Variants in TNPO2 observed in about 807,000 individuals in gnomAD.
TNPO2 encodes transportin-2.
In TNPO2, 16 loss-of-function variants were observed where a neutral mutation model predicts 111.1. The observed-to-expected ratio is 0.14, with a 90% CI of 0.10 to 0.22. TNPO2 has a LOEUF of 0.22. TNPO2 is among the 10% of genes least tolerant of loss of function. The pLI is 1.00. For synonymous variants in TNPO2, 481 were observed against 475.8 expected, an observed-to-expected ratio of 1.01 and a Z score of -0.14; for missense variants, 530 against 1,173.7, an observed-to-expected ratio of 0.45 and a Z score of 8.01.
rs1377253246 is a variant in TNPO2, at chr19:12,699,672, T to TA, written c.*1591dup. 6.6e-6 allele frequency: 1 copy of TA among 151,556 alleles called. No individual in the cohort carries two copies. The highest frequency in any genetic ancestry group is 2.4e-5 in the African/African-American group (1 of 41,124). 9.4% of individuals were successfully genotyped at this position (151,556 alleles called of 1,614,324 possible). On this transcript the variant is annotated 3_prime_UTR_variant, in exon 26 of 26. Coordinates refer to ENST00000425528, the MANE Select transcript of TNPO2 (RefSeq NM_001382241.1). Reference sequence around the variant, plus strand: ...TTTTTAAAACTTTTTTTTTTTTTTTTAACAAATGGCTTCCAGAGACCTGCT... The same window carrying TA: ...TTTTTAAAACTTTTTTTTTTTTTTTTAAACAAATGGCTTCCAGAGACCTGCT...
chr19:12,714,721 A>AT, intron 10 of TNPO2, 100 bp downstream of exon 10: 1 of 915,140 alleles, frequency 1.1e-6, no homozygotes, highest in South Asian at 1.4e-5. Flanking sequence ...ACTGACAAGG[A>AT]TGTGGACTGA....
Position 12,706,918 on chromosome 19 carries a change from G to T in TNPO2, c.1271-123C>A. 1 of 810,684 alleles carries T rather than the reference G, an allele frequency of 1.2e-6. No homozygotes were observed. Among genetic ancestry groups the T allele is most frequent in the Non-Finnish European group, 2.0e-6 (1 of 510,636 alleles). 50.2% of individuals were successfully genotyped at this position (810,684 alleles called of 1,614,324 possible). A position where few individuals can be genotyped will look rare whatever the true frequency, so the allele number is the denominator to read the frequency against. ...CTGAGGCTTAGAGTTTAAATCACTG[G>T]CCCAGACTCATTTCACAGAGCCAGG... On this transcript the variant is annotated intron_variant, in intron 13 of 25. Coordinates refer to ENST00000425528, the MANE Select transcript of TNPO2 (RefSeq NM_001382241.1). The surrounding 1 kb of genome is among the most constrained non-coding windows in gnomAD (Gnocchi z 7.0).
rs770965780 is a variant in TNPO2, at chr19:12,702,024, G to A, written c.2411+48C>T. 2 of 1,572,920 alleles carry A rather than the reference G, an allele frequency of 1.3e-6. No individual in the cohort carries two copies. Among genetic ancestry groups the A allele is most frequent in the Non-Finnish European group, 1.7e-6 (2 of 1,143,352 alleles). ...AAATGCACAGGCGAGGGAGGGGGTT[G>A]GGCCAGTCCCGCCCACCACACAGCA... On this transcript the variant is annotated intron_variant, in intron 22 of 25. Coordinates refer to ENST00000425528, the MANE Select transcript of TNPO2 (RefSeq NM_001382241.1). This position sits in a 1 kb window ranked among gnomAD's most constrained non-coding sequence, Gnocchi z 5.5.
Position 12,706,291 on chromosome 19 carries a change from A to G in TNPO2, c.1573T>C (p.Phe525Leu). The G allele has an allele frequency of 6.2e-7, 1 of 1,614,034 alleles. No homozygotes were observed. The highest frequency in any genetic ancestry group is 2.2e-5 in the East Asian group (1 of 44,872). Residue 525 changes from phenylalanine (F) to leucine (L), a missense_variant, in exon 15 of 26, where the codon TTT (phenylalanine) becomes CTT (leucine). Physicochemically the swap from Phe to Leu is conservative, Grantham distance 22. Around this residue, in one of 4 missense-constraint regions of TNPO2, gnomAD observed 183 missense variants for 481.0 expected, o/e 0.38. Transcript: ENST00000425528. This position sits in a 1 kb window ranked among gnomAD's most constrained non-coding sequence, Gnocchi z 7.0. The part of the protein sequence containing the change: ...YLSYILDTLV[F>L]AFGKYQHKNL... ...TTGTGCTGGTATTTCCCAAAGGCAAAGACAAGGGTGTCCAGGATGTAGCTG... is the reference window on the plus strand; with the variant it reads ...TTGTGCTGGTATTTCCCAAAGGCAAGGACAAGGGTGTCCAGGATGTAGCTG...
At position 12,703,422 on chromosome 19, in the gene TNPO2, A is replaced by G; in HGVS notation, c.2209+6T>C. On this transcript the variant is annotated splice_donor_region_variant and intron_variant, in intron 20 of 25. Coordinates refer to ENST00000425528, the MANE Select transcript of TNPO2 (RefSeq NM_001382241.1). Reference sequence around the variant, plus strand: ...GGGCGCGTGTTGCCACTTGCAGGGCACTCACCCATCTGCATGCAGATTTCA... The same window carrying G: ...GGGCGCGTGTTGCCACTTGCAGGGCGCTCACCCATCTGCATGCAGATTTCA... 2 of 1,613,144 alleles carry G rather than the reference A, an allele frequency of 1.2e-6. No homozygotes were observed. The highest frequency in any genetic ancestry group is 1.7e-6 in the Non-Finnish European group (2 of 1,179,458).
chr19:12,714,948 G>T lies in TNPO2; in HGVS notation c.772-9C>A. 1 of 1,606,590 alleles carries T rather than the reference G, an allele frequency of 6.2e-7. No individual in the cohort carries two copies. The highest frequency in any genetic ancestry group is 1.1e-5 in the South Asian group (1 of 90,320). ...GTCCTCTGCAGCATGTACTGTGGTA[G>T]GGGGGAGAAGCTGAGGCCTGGCCTG... On this transcript the variant is annotated splice_polypyrimidine_tract_variant and intron_variant, in intron 9 of 25. Transcript: ENST00000425528.
In TNPO2 at chr19:12,711,692, A is replaced by C. The variant is rs930109445; in HGVS notation, c.891-79T>G. ...GGGAGGCACAGCTTGGGGAGGAGGCAAACAGGTGCCAACAGAGTGACCAGC... is the reference window on the plus strand; with the variant it reads ...GGGAGGCACAGCTTGGGGAGGAGGCCAACAGGTGCCAACAGAGTGACCAGC... On this transcript the variant is annotated intron_variant, in intron 10 of 25. Transcript: ENST00000425528. The C allele has an allele frequency of 3.1e-6, 4 of 1,271,568 alleles. No homozygotes were observed. The African/African-American group carries it at 4.4e-5, about 14-fold the overall frequency. The allele number at this position is 1,271,568 out of a possible 1,614,324, so 78.8% of individuals were successfully genotyped here. A position where few individuals can be genotyped will look rare whatever the true frequency, so the allele number is the denominator to read the frequency against.
intron 13 of TNPO2, among the ~76,000 whole-genome samples, chr19:12,707,203 T>TGACCAAGATGGACTGA (rs2025732263): frequency 1.3e-5 from 2 of 152,146 alleles, no homozygotes; most frequent in Non-Finnish European, 2.9e-5. Context: ...TTTACCATGT[T>TGACCAAGATGGACTGA]GACCAAGATG....
In TNPO2 at chr19:12,706,897, G is replaced by C; in HGVS notation, c.1271-102C>G. The C allele has an allele frequency of 1.0e-6, 1 of 998,076 alleles. No individual in the cohort carries two copies. Among genetic ancestry groups the C allele is most frequent in the Non-Finnish European group, 1.5e-6 (1 of 665,646 alleles). The allele number at this position is 998,076 out of a possible 1,614,324, so 61.8% of individuals were successfully genotyped here. A position where few individuals can be genotyped will look rare whatever the true frequency, so the allele number is the denominator to read the frequency against. On this transcript the variant is annotated intron_variant, in intron 13 of 25. Transcript: ENST00000425528. This position sits in a 1 kb window ranked among gnomAD's most constrained non-coding sequence, Gnocchi z 7.0. ...CGCACACAACATATAGGGAAACTGA[G>C]GCTTAGAGTTTAAATCACTGGCCCA...
At position 12,702,034 on chromosome 19, in the gene TNPO2, C is replaced by T. The variant is rs202152350; in HGVS notation, c.2411+38G>A. 1.7e-4 allele frequency: 269 copies of T among 1,591,136 alleles called. 3 individuals carry two copies. In the East Asian group the frequency reaches 5.5e-3, roughly 33 times the overall value. On this transcript the variant is annotated intron_variant, in intron 22 of 25. Transcript: ENST00000425528. This position sits in a 1 kb window ranked among gnomAD's most constrained non-coding sequence, Gnocchi z 5.5. ...GCGAGGGAGGGGGTTGGGCCAGTCC[C>T]GCCCACCACACAGCAGGCTTGACAC...
intron 13 of TNPO2, among the ~76,000 whole-genome samples, chr19:12,709,943 T>C (rs1219052825): frequency 6.6e-6 from 1 of 152,174 alleles, no homozygotes; most frequent in African/African-American, 2.4e-5. Context: ...TTTTGAAAGC[T>C]TACAAGGTTG....
Position 12,703,581 on chromosome 19 carries a change from G to C in TNPO2, c.2111-55C>G. 1.9e-6 allele frequency: 3 copies of C among 1,593,172 alleles called. No homozygotes were observed. In the Admixed American group the frequency reaches 5.0e-5, roughly 27 times the overall value. On this transcript the variant is annotated intron_variant, in intron 19 of 25. Coordinates refer to ENST00000425528, the MANE Select transcript of TNPO2 (RefSeq NM_001382241.1). ...GGAGGGCCAGCCAGGGTAAGCTGCA[G>C]GACCTAGTCCAGCAGGCCCCATCAG...
rs1338372474 is a variant in TNPO2, at chr19:12,701,933, G to C, written c.2412-82C>G. 7.0e-6 allele frequency: 10 copies of C among 1,423,924 alleles called. No individual in the cohort carries two copies. Among genetic ancestry groups the C allele is most frequent in the African/African-American group, 2.8e-5 (2 of 71,546 alleles). 88.2% of individuals were successfully genotyped at this position (1,423,924 alleles called of 1,614,324 possible). On this transcript the variant is annotated intron_variant, in intron 22 of 25. Transcript: ENST00000425528. This position sits in a 1 kb window ranked among gnomAD's most constrained non-coding sequence, Gnocchi z 5.0. The stretch of plus-strand genomic sequence containing the variant: ...GGGCTGGGTCACTGGGGATCAGTGA[G>C]TGGGCCTGGGACATGCATCTGTGGG...
intron 5 of TNPO2, among the ~76,000 whole-genome samples, chr19:12,716,519 G>T (rs2145590787): frequency 6.6e-6 from 1 of 152,218 alleles, no homozygotes; most frequent in African/African-American, 2.4e-5. Flanking sequence ...CCAGCTACTT[G>T]GGAGGCCGAG....
intron 20 of TNPO2, 69 bp downstream of exon 20, chr19:12,703,359 C>A: frequency 1.4e-6 from 2 of 1,455,570 alleles, no homozygotes; most frequent in East Asian, 4.5e-5. Flanking sequence ...TCAGTCAGAG[C>A]TAGGCTCCCG....
Position 12,703,499 on chromosome 19 carries a change from T to C in TNPO2, c.2138A>G (p.Asn713Ser), listed in dbSNP as rs2025449209. Residue 713 changes from asparagine (N) to serine (S), a missense_variant, in exon 20 of 26, where the codon AAC (asparagine) becomes AGC (serine). This residue lies in a region of TNPO2 where 183 missense variants were observed against 481.0 expected (regional missense o/e 0.38). Transcript: ENST00000425528. The part of the protein sequence containing the change: ...IAEFMPILGT[N>S]LNPEFISVCN... ...GACGGAGATGAACTCTGGGTTCAGG[T>C]TGGTGCCCAGAATGGGCATGAACTC... The C allele has an allele frequency of 1.2e-6, 2 of 1,613,868 alleles. No homozygotes were observed. The highest frequency in any genetic ancestry group is 1.7e-6 in the Non-Finnish European group (2 of 1,179,902).
At chr19:12,712,929 A>G (rs1458790145) in intron 10 of TNPO2, among the ~76,000 whole-genome samples, 1 of 152,132 alleles carries the variant, frequency 6.6e-6, no homozygotes, top group African/African-American at 2.4e-5. Context: ...CCTATCACCC[A>G]GGCTGGAGTG....
At chr19:12,704,578 T>A (rs2025522880) in intron 18 of TNPO2, among the ~76,000 whole-genome samples, 1 of 152,208 alleles carries the variant, frequency 6.6e-6, no homozygotes, top group African/African-American at 2.4e-5. Context: ...TTCCTCTGAG[T>A]ATTTTCAATC....
Position 12,702,288 on chromosome 19 carries a change from C to CCAA in TNPO2, c.2306-114_2306-112dup, listed in dbSNP as rs1489032075. On this transcript the variant is annotated intron_variant, in intron 21 of 25. Transcript: ENST00000425528. This position sits in a 1 kb window ranked among gnomAD's most constrained non-coding sequence, Gnocchi z 5.5. The stretch of plus-strand genomic sequence containing the variant: ...TGGCTACTGCAGCCACCCTGGTCCC[C>CCAA]CAAGCTTGGCCCAGCCAGGGGTCCT... The CCAA allele has an allele frequency of 1.1e-6, 1 of 891,260 alleles. No homozygotes were observed. The highest frequency in any genetic ancestry group is 1.7e-5 in the African/African-American group (1 of 59,792). The allele number at this position is 891,260 out of a possible 1,614,324, so 55.2% of individuals were successfully genotyped here. A position where few individuals can be genotyped will look rare whatever the true frequency, so the allele number is the denominator to read the frequency against.
Sources: allele counts gnomAD v4.1 joint callset (sites outside exome capture counted in the v4.1 genomes callset), GRCh38; gene constraint gnomAD v4.1.1; regional missense constraint gnomAD v4.1.1; non-coding constraint Gnocchi (gnomAD v3.1); transcripts MANE v1.5; gene names NCBI Gene and HGNC (gene_info 2026-07-23, HGNC 2026-07-21).